Variants in CCDC80 observed in about 807,000 individuals in gnomAD.
CCDC80 encodes the protein coiled-coil domain-containing protein 80.
A neutral mutation model predicts 78.7 loss-of-function variants in CCDC80; 49 were observed. The ratio of observed to expected loss-of-function variants is 0.62; its 90% CI spans 0.50 to 0.79. CCDC80 has a LOEUF of 0.79. Ranked by LOEUF, CCDC80 falls within the 30% of genes least tolerant of loss-of-function variation. The pLI is 0.00. For missense variants in CCDC80, 1,205 were observed against 1,198.6 expected (o/e 1.01, Z -0.08); for synonymous variants, 488 against 447.0 (o/e 1.09, Z -1.16).
intron 3 of CCDC80, among the ~76,000 whole-genome samples, chr3:112,626,870 G>A (rs1935986506): frequency 6.6e-6 from 1 of 152,130 alleles, no homozygotes; most frequent in Non-Finnish European, 1.5e-5. Context: ...TTTAAAAATT[G>A]ACTTATGAAG....
In CCDC80 at chr3:112,638,034, T is replaced by C. The variant is rs753986892; in HGVS notation, c.1872A>G (p.Arg624=). Residue 624 remains arginine (R), a synonymous_variant, in exon 2 of 8, where the codon AGA becomes AGG. Transcript: ENST00000206423. The stretch of plus-strand genomic sequence containing the variant: ...CAAGGAGAAGGCTACTTACAAGGAG[T>C]CTTCGTTTGCCTTCAAAGGACCCCA... ...DLLGSFEGKR[R]LLLITAPKAE... 2 of 1,599,272 alleles carry C rather than the reference T, an allele frequency of 1.3e-6. No homozygotes were observed. The highest frequency in any genetic ancestry group is 8.5e-7 in the Non-Finnish European group (1 of 1,175,534).
rs1461195127 is a variant in CCDC80 at position 112,605,400 on chromosome 3, A to G, written c.*17T>C. On this transcript the variant is annotated 3_prime_UTR_variant, in exon 8 of 8. Transcript: ENST00000206423. Reference sequence around the variant, plus strand: ...CTGCAGAGGAAACTGGCTGAGTCTAAGGTTACATATTTCTGCTCAGTAAGG... The same window carrying G: ...CTGCAGAGGAAACTGGCTGAGTCTAGGGTTACATATTTCTGCTCAGTAAGG... The G allele has an allele frequency of 6.3e-7, 1 of 1,580,322 alleles. No homozygotes were observed. The highest frequency in any genetic ancestry group is 1.3e-5 in the African/African-American group (1 of 74,296).
In CCDC80 at chr3:112,639,032, C is replaced by T. The variant is rs745335289; in HGVS notation, c.874G>A (p.Ala292Thr). Residue 292 changes from alanine to threonine, a missense_variant, in exon 2 of 8, where the codon GCG becomes ACG. Ala to Thr is a moderately conservative substitution (Grantham distance 58, BLOSUM62 0). Transcript: ENST00000206423. ...CCCCCTCCACCGTCATTCCCCTCCG[C>T]CACCACCTGGCCCTCTACACCAGAG... Reference protein sequence around the residue: ...KASGVEGQVVAEGNDGGGGAG... With the variant: ...KASGVEGQVVTEGNDGGGGAG... 1.2e-6 allele frequency: 2 copies of T among 1,610,164 alleles called. No individual in the cohort carries two copies. The highest frequency in any genetic ancestry group is 1.7e-6 in the Non-Finnish European group (2 of 1,179,554).
In CCDC80 at chr3:112,630,877, G is replaced by A. The variant is rs560552149; in HGVS notation, c.1879-608C>T. On this transcript the variant is annotated intron_variant, in intron 2 of 7. Coordinates refer to ENST00000206423, the MANE Select transcript of CCDC80 (RefSeq NM_199511.3). ...ACATTCAGCCTGCACAGAGTTGGTG[G>A]TGTTTGTCTTTTGATATTGCAGTTT... Among the ~76,000 whole-genome samples the A allele has an allele frequency of 1.8e-4, 27 of 152,256 alleles. No homozygotes were observed. In the South Asian group the frequency reaches 2.7e-3, roughly 15 times the overall value.
Position 112,640,043 on chromosome 3 carries a change from T to C in CCDC80, c.-11-127A>G, listed in dbSNP as rs941451082. On this transcript the variant is annotated intron_variant, in intron 1 of 7. Coordinates refer to ENST00000206423, the MANE Select transcript of CCDC80 (RefSeq NM_199511.3). ...AGCCAAGGGGAGGGGAAAAGGTTGGTTAGAGAGAAGGAGGGAGGTCAGGAG... is the reference window on the plus strand; with the variant it reads ...AGCCAAGGGGAGGGGAAAAGGTTGGCTAGAGAGAAGGAGGGAGGTCAGGAG... 6.3e-6 allele frequency: 9 copies of C among 1,435,672 alleles called. No homozygotes were observed. The African/African-American group carries it at 1.1e-4, about 18-fold the overall frequency. 88.9% of individuals were successfully genotyped at this position (1,435,672 alleles called of 1,614,324 possible).
At chr3:112,606,889 G>A (rs1019491627) in intron 7 of CCDC80, among the ~76,000 whole-genome samples, 1 of 151,986 alleles carries the variant, frequency 6.6e-6, no homozygotes, top group African/African-American at 2.4e-5. Flanking sequence ...AAACCATAAG[G>A]ACCTATACGG....
chr3:112,613,149 A>C (rs897932677), intron 5 of CCDC80, among the ~76,000 whole-genome samples: 3 of 152,200 alleles, frequency 2.0e-5, no homozygotes, highest in African/African-American at 7.2e-5. Flanking sequence ...CAGAGTGTTT[A>C]AGTAATTAGC....
intron 3 of CCDC80, among the ~76,000 whole-genome samples, chr3:112,629,768 C>T (rs1351947890): frequency 2.0e-5 from 3 of 152,164 alleles, no homozygotes; most frequent in Non-Finnish European, 4.4e-5. Flanking sequence ...GAAGATCAGA[C>T]GGGGCTGCTC....
At chr3:112,619,251 G>A (rs530400999) in intron 3 of CCDC80, 147 bp from the exon 4 acceptor site, 26 of 636,188 alleles carry the variant, frequency 4.1e-5, no homozygotes, top group East Asian at 2.9e-4. Context: ...AAAAGTTTTC[G>A]GAGTAAATTA....
At chr3:112,629,299 A>C (rs114366310) in intron 3 of CCDC80, among the ~76,000 whole-genome samples, 7,198 of 151,226 alleles carry the variant, frequency 0.048, 559 homozygotes, top group African/African-American at 0.16. Flanking sequence ...TTTTGTAGTT[A>C]AACCATGAAC....
At position 112,639,900 on chromosome 3, in the gene CCDC80, T is replaced by C. The variant is rs777276594; in HGVS notation, c.6A>G (p.Thr2=). ...TAGTGAAACGGGGTCCCATTCTCCATGTCATTGTGTAATCCACTTTGCGAT... is the reference window on the plus strand; with the variant it reads ...TAGTGAAACGGGGTCCCATTCTCCACGTCATTGTGTAATCCACTTTGCGAT... M[T]WRMGPRFTML... The change falls in exon 2 of 8, where the codon ACA becomes ACG. Residue 2 remains threonine (T), a synonymous_variant. Coordinates refer to ENST00000206423, the MANE Select transcript of CCDC80 (RefSeq NM_199511.3). 6.2e-7 allele frequency: 1 copy of C among 1,613,426 alleles called. No individual in the cohort carries two copies. The highest frequency in any genetic ancestry group is 2.2e-5 in the East Asian group (1 of 44,862).
intron 4 of CCDC80, 129 bp from the exon 5 acceptor site, chr3:112,616,987 A>G: frequency 1.1e-6 from 1 of 895,898 alleles, no homozygotes; most frequent in Admixed American, 2.6e-5. Flanking sequence ...TAGAAGATTC[A>G]TTGCTTCATA....
Position 112,602,676 on chromosome 3 carries a change from C to G in CCDC80, c.*2741G>C, listed in dbSNP as rs1274303798. The G allele has an allele frequency of 6.6e-6, 1 of 152,206 alleles. No individual in the cohort carries two copies. Among genetic ancestry groups the G allele is most frequent in the Non-Finnish European group, 1.5e-5 (1 of 68,052 alleles). The allele number at this position is 152,206 out of a possible 1,614,324, so 9.4% of individuals were successfully genotyped here. A position where few individuals can be genotyped will look rare whatever the true frequency, so the allele number is the denominator to read the frequency against. On this transcript the variant is annotated 3_prime_UTR_variant, in exon 8 of 8. Transcript: ENST00000206423. ...TAGTTCAGAGCAAGGCCCTAACTCTCTTCAATTCTATGAAAGCTAAAGGGA... is the reference window on the plus strand; with the variant it reads ...TAGTTCAGAGCAAGGCCCTAACTCTGTTCAATTCTATGAAAGCTAAAGGGA...
At chr3:112,630,403 T>A in intron 2 of CCDC80, 134 bp from the exon 3 acceptor site, 1 of 862,320 alleles carries the variant, frequency 1.2e-6, no homozygotes, top group Non-Finnish European at 1.8e-6. Context: ...GCTGAACAGT[T>A]AGCATAATTA....
intron 3 of CCDC80, among the ~76,000 whole-genome samples, chr3:112,619,387 C>A (rs1935817467): frequency 6.6e-6 from 1 of 152,230 alleles, no homozygotes; most frequent in South Asian, 2.1e-4. Context: ...AGAGTGGAGA[C>A]TGCTGAGTCA....
intron 4 of CCDC80, among the ~76,000 whole-genome samples, chr3:112,617,959 G>A (rs1048422055): frequency 2.6e-5 from 4 of 152,206 alleles, no homozygotes; most frequent in East Asian, 1.9e-4. Flanking sequence ...GCCTCTGTGG[G>A]AATGAAGTTC....
chr3:112,615,384 C>G (rs951011533), intron 5 of CCDC80, among the ~76,000 whole-genome samples: 1 of 152,044 alleles, frequency 6.6e-6, no homozygotes, highest in Non-Finnish European at 1.5e-5. Context: ...ACCCCTTAAC[C>G]ACACAGTATA....
chr3:112,609,811 C>T (rs576158660), intron 6 of CCDC80, among the ~76,000 whole-genome samples, 167 bp downstream of exon 6: 1 of 152,214 alleles, frequency 6.6e-6, no homozygotes, highest in East Asian at 1.9e-4. Flanking sequence ...ACTAAAGCTC[C>T]AGTCTAAAAG....
At position 112,616,651 on chromosome 3, in the gene CCDC80, A is replaced by G. The variant is rs1328920643; in HGVS notation, c.2321+59T>C. The stretch of plus-strand genomic sequence containing the variant: ...GGATCTGTGTTTCTTTGGCATTTTC[A>G]TGAGCTCACTCAGAACAAATTTGCA... On this transcript the variant is annotated intron_variant, in intron 5 of 7. Transcript: ENST00000206423. The G allele has an allele frequency of 3.8e-6, 6 of 1,590,846 alleles. No homozygotes were observed. The African/African-American group carries it at 4.0e-5, about 11-fold the overall frequency.
Sources: gnomAD v4.1 joint callset for allele counts (sites outside exome capture counted in the v4.1 genomes callset) on GRCh38, gnomAD v4.1.1 for gene constraint, MANE v1.5 for transcripts, NCBI Gene and HGNC (gene_info 2026-07-23, HGNC 2026-07-21) for gene names.